Variants in STK32B observed in about 807,000 individuals in gnomAD.
STK32B encodes the protein serine/threonine kinase 32B, also known as serine/threonine-protein kinase 32B.
Under a neutral mutation model 52.6 loss-of-function variants are expected in STK32B, and 43 were observed. That is an observed-to-expected ratio of 0.82 (90% CI 0.64 to 1.05). STK32B has a LOEUF of 1.05. Ranked by LOEUF, STK32B falls within the 50% of genes least tolerant of loss-of-function variation. The pLI, the probability that STK32B is intolerant of heterozygous loss-of-function variation, is 0.00. For synonymous variants in STK32B, 238 were observed against 204.3 expected (o/e 1.17, Z -1.41); for missense variants, 621 against 534.6 (o/e 1.16, Z -1.59).
intron 9 of STK32B, among the ~76,000 whole-genome samples, chr4:5,464,702 G>C (rs3774814): frequency 0.2 from 30,694 of 152,166 alleles, 3,675 homozygotes; most frequent in Admixed American, 0.31. Flanking sequence ...CTGGGCAGTG[G>C]ATCCTGTTAA....
chr4:5,176,831 G>A (rs1329125523), intron 3 of STK32B, among the ~76,000 whole-genome samples: 3 of 152,096 alleles, frequency 2.0e-5, no homozygotes, highest in African/African-American at 7.2e-5. Flanking sequence ...TGACAGGGCT[G>A]GGTATATAAG....
intron 1 of STK32B, among the ~76,000 whole-genome samples, chr4:5,115,982 T>C (rs1159799144): frequency 6.6e-6 from 1 of 152,206 alleles, no homozygotes; most frequent in African/African-American, 2.4e-5. Flanking sequence ...AATCTTCTGC[T>C]ACGTGGCAGG....
intron 4 of STK32B, among the ~76,000 whole-genome samples, chr4:5,376,356 A>G (rs1735585269): frequency 6.6e-6 from 1 of 152,120 alleles, no homozygotes; most frequent in Non-Finnish European, 1.5e-5. Context: ...AGCACTGAGC[A>G]AAAATACAAA....
At position 5,398,376 on chromosome 4, in the gene STK32B, A is replaced by G; in HGVS notation, c.472+132A>G. On this transcript the variant is annotated intron_variant, in intron 5 of 11. Coordinates refer to ENST00000282908, the MANE Select transcript of STK32B (RefSeq NM_018401.3). This position sits in a 1 kb window ranked among gnomAD's most constrained non-coding sequence, Gnocchi z 4.9. ...TGGCTAGAAACCTTCTCTTGTTTCA[A>G]TCCTGGTGGATCAACATCTGTGTAA... The G allele has an allele frequency of 1.1e-6, 1 of 878,864 alleles. No individual in the cohort carries two copies. The highest frequency in any genetic ancestry group is 1.6e-5 in the South Asian group (1 of 61,062). The allele number at this position is 878,864 out of a possible 1,614,324, so 54.4% of individuals were successfully genotyped here. A position where few individuals can be genotyped will look rare whatever the true frequency, so the allele number is the denominator to read the frequency against.
At chr4:5,316,837 AT>A (rs1730888003) in intron 3 of STK32B, among the ~76,000 whole-genome samples, 2 of 2,820 alleles carry the variant, frequency 7.1e-4, no homozygotes, top group Non-Finnish European at 1.2e-3. Context: ...TATATTATAT[AT>A]TATATATAAT....
chr4:5,498,341 A>C (rs1720461605), intron 11 of STK32B, among the ~76,000 whole-genome samples: 1 of 152,240 alleles, frequency 6.6e-6, no homozygotes, highest in African/African-American at 2.4e-5. Context: ...AATGTTCGGA[A>C]TCATACCCCC....
chr4:5,245,150 G>A (rs537031904), intron 3 of STK32B, among the ~76,000 whole-genome samples: 36 of 152,138 alleles, frequency 2.4e-4, no homozygotes, highest in Admixed American at 9.2e-4. Flanking sequence ...TTTCTGTCTC[G>A]TTGATCTGTC....
intron 3 of STK32B, among the ~76,000 whole-genome samples, chr4:5,230,208 T>TTTTTTTTTTTTTTTG (rs58022709): frequency 1.2e-4 from 12 of 103,472 alleles, no homozygotes; most frequent in Admixed American, 2.4e-4. Flanking sequence ...TTTTTTTTTT[T>TTTTTTTTTTTTTTTG]TAGTGGAGTC....
chr4:5,122,884 G>C (rs1715143480), intron 1 of STK32B, among the ~76,000 whole-genome samples: 1 of 152,166 alleles, frequency 6.6e-6, no homozygotes, highest in Admixed American at 6.5e-5. Context: ...TTCTCTGCCT[G>C]AGTCCCTTCT....
the STK32B span, among the ~76,000 whole-genome samples, chr4:5,024,451 G>A: frequency 6.6e-6 from 1 of 152,182 alleles, no homozygotes; most frequent in Non-Finnish European, 1.5e-5. Flanking sequence ...CCAATTCCTT[G>A]TACTAAATCT....
chr4:5,310,287 A>G (rs910512347), intron 3 of STK32B, among the ~76,000 whole-genome samples: 1 of 152,216 alleles, frequency 6.6e-6, no homozygotes, highest in African/African-American at 2.4e-5. Flanking sequence ...AAATTATTCA[A>G]CTGACAAGGG....
At chr4:5,310,219 C>T (rs961185420) in intron 3 of STK32B, among the ~76,000 whole-genome samples, 3 of 151,942 alleles carry the variant, frequency 2.0e-5, no homozygotes, top group Non-Finnish European at 4.4e-5. Flanking sequence ...TTCTGTACAT[C>T]AAAGGAAACA....
At chr4:5,192,480 A>C (rs902216081) in intron 3 of STK32B, among the ~76,000 whole-genome samples, 1 of 152,230 alleles carries the variant, frequency 6.6e-6, no homozygotes, top group South Asian at 2.1e-4. Context: ...ACGCTACAGA[A>C]AGTCAGATCG....
At chr4:5,053,903 C>T (rs997701919) in intron 1 of STK32B, among the ~76,000 whole-genome samples, 4 of 151,944 alleles carry the variant, frequency 2.6e-5, no homozygotes, top group African/African-American at 9.7e-5. Context: ...CGCTTGAACC[C>T]GGGAGGCGGA....
At chr4:5,222,900 G>C (rs1414502115) in intron 3 of STK32B, among the ~76,000 whole-genome samples, 1 of 152,160 alleles carries the variant, frequency 6.6e-6, no homozygotes, top group Admixed American at 6.5e-5. Flanking sequence ...AGGCAGCCAG[G>C]TGCTATTCAC....
chr4:5,425,306 T>G (rs1419941581), intron 6 of STK32B, among the ~76,000 whole-genome samples: 1 of 152,160 alleles, frequency 6.6e-6, no homozygotes, highest in Non-Finnish European at 1.5e-5. Flanking sequence ...AAGGATCCTG[T>G]GACAGTGGGG....
intron 11 of STK32B, among the ~76,000 whole-genome samples, chr4:5,490,385 G>A (rs898625197): frequency 4.6e-5 from 7 of 152,016 alleles, no homozygotes; most frequent in Non-Finnish European, 8.8e-5. Context: ...GGGATTACAG[G>A]TTTGAGCCAC....
intron 3 of STK32B, among the ~76,000 whole-genome samples, chr4:5,268,486 G>T (rs1490205231): frequency 6.7e-6 from 1 of 150,286 alleles, no homozygotes; most frequent in Admixed American, 6.7e-5. Context: ...CGTCTCCTTT[G>T]GTCACTATCA....
chr4:5,322,355 A>G (rs780159913), intron 3 of STK32B, among the ~76,000 whole-genome samples: 4 of 152,126 alleles, frequency 2.6e-5, no homozygotes, highest in Non-Finnish European at 4.4e-5. Context: ...TACATTTTTA[A>G]GAATCGCTAG....
Sources: gnomAD v4.1 joint callset for allele counts (sites outside exome capture counted in the v4.1 genomes callset) on GRCh38, gnomAD v4.1.1 for gene constraint, Gnocchi (gnomAD v3.1) non-coding constraint, MANE v1.5 for transcripts, NCBI Gene and HGNC (gene_info 2026-07-23, HGNC 2026-07-21) for gene names.